LPIN1: variants seen among roughly 807,000 people sequenced by gnomAD.
LPIN1 encodes lipin 1, also known as phosphatidate phosphatase LPIN1.
Under a neutral mutation model 107.5 loss-of-function variants are expected in LPIN1, and 71 were observed. That is an observed-to-expected ratio of 0.66 (90% CI 0.55 to 0.80). The LOEUF is 0.80. Ranked by LOEUF, LPIN1 falls within the 30% of genes least tolerant of loss-of-function variation. LPIN1 has a pLI of 0.00. For synonymous variants in LPIN1, 445 were observed against 452.6 expected (o/e 0.98, Z 0.21); for missense variants, 1,043 against 1,160.6 (o/e 0.90, Z 1.47).
chr2:11,781,640 C>T (rs1401897950), intron 7 of LPIN1, among the ~76,000 whole-genome samples: 1 of 152,200 alleles, frequency 6.6e-6, no homozygotes, highest in Non-Finnish European at 1.5e-5. Flanking sequence ...TTGAAATATA[C>T]ATACAGAGAA....
chr2:11,762,567 A>G (rs1467032981), intron 1 of LPIN1, among the ~76,000 whole-genome samples: 1 of 152,114 alleles, frequency 6.6e-6, no homozygotes, highest in Admixed American at 6.5e-5. Context: ...AAGAGGGCTT[A>G]TCATGAATGA....
chr2:11,773,646 TC>T lies in LPIN1; in HGVS notation c.625del (p.Gln209LysfsTer13). On this transcript the variant is annotated frameshift_variant, in exon 5 of 21. Coordinates refer to ENST00000674199, the MANE Select transcript of LPIN1 (RefSeq NM_001349206.2). LOFTEE classifies it high-confidence loss of function. ...ACTCTTCCTAATGATATACCTCCAT[TC>T]CAAGATGATATTCCTGAGGAAAACC... ...SRTLPNDIPP[F>X]QDDIPEENLS... 1 of 1,611,566 alleles carries T rather than the reference TC, an allele frequency of 6.2e-7. No homozygotes were observed. Among genetic ancestry groups the T allele is most frequent in the Non-Finnish European group, 8.5e-7 (1 of 1,177,770 alleles).
chr2:11,716,589 T>C (rs1319035581), intron 2 of LPIN1, among the ~76,000 whole-genome samples: 1 of 150,836 alleles, frequency 6.6e-6, no homozygotes, highest in Non-Finnish European at 1.5e-5. Context: ...GGGGAGGGGG[T>C]AGTGGGATCA....
rs1019810796 is a variant in LPIN1, at chr2:11,707,060, A to C, written c.82-6696A>C. ...AACGTTACCTTTGTAGCAATTAGCC[A>C]TACAGCACCTCTTAGAGCCTGTTAC... is the stretch of plus-strand genomic sequence containing the variant. On this transcript the variant is annotated intron_variant, in intron 1 of 21. Transcript: ENST00000449576. The surrounding 1 kb of genome is among the most constrained non-coding windows in gnomAD (Gnocchi z 4.2). Among the ~76,000 whole-genome samples, 1 of 152,258 alleles carries C rather than the reference A, an allele frequency of 6.6e-6. No individual in the cohort carries two copies. The highest frequency in any genetic ancestry group is 1.5e-5 in the Non-Finnish European group (1 of 68,048).
In LPIN1 at chr2:11,803,249, G is replaced by C. The variant is rs191186076; in HGVS notation, c.2013+216G>C. Among the ~76,000 whole-genome samples the C allele has an allele frequency of 6.6e-5, 10 of 152,242 alleles. No individual in the cohort carries two copies. In the East Asian group the frequency reaches 1.7e-3, roughly 26 times the overall value. On this transcript the variant is annotated intron_variant, in intron 15 of 20. Transcript: ENST00000674199. The surrounding 1 kb of genome is among the most constrained non-coding windows in gnomAD (Gnocchi z 4.2). ...ACCTTGCCTTTTGTCTTCTCCTTTT[G>C]CTGGCCTGGCCCTGGAGGATCTAGT...
intron 17 of LPIN1, among the ~76,000 whole-genome samples, chr2:11,809,599 AG>A (rs1398179232): frequency 6.6e-6 from 1 of 152,138 alleles, no homozygotes. Flanking sequence ...TATTTTTAGT[AG>A]AGATGGGGTT....
At chr2:11,784,003 G>T (rs563487427) in intron 9 of LPIN1, 81 bp downstream of exon 9, 381 of 1,606,946 alleles carry the variant, frequency 2.4e-4, no homozygotes, top group Non-Finnish European at 3.1e-4. Flanking sequence ...CCTTATGTTT[G>T]ATTAGAAAGT....
At chr2:11,787,531 G>A (rs1009292425) in intron 11 of LPIN1, among the ~76,000 whole-genome samples, 1 of 151,438 alleles carries the variant, frequency 6.6e-6, no homozygotes. Flanking sequence ...CTCGCAAAGT[G>A]CTGGGATTTC....
At chr2:11,739,686 C>G (rs1666140348) in intron 1 of LPIN1, among the ~76,000 whole-genome samples, 1 of 152,128 alleles carries the variant, frequency 6.6e-6, no homozygotes, top group Non-Finnish European at 1.5e-5. Context: ...ATCTAGCCAC[C>G]AACAGTACAA....
chr2:11,797,054 C>A (rs1389958888), intron 14 of LPIN1, among the ~76,000 whole-genome samples: 1 of 152,192 alleles, frequency 6.6e-6, no homozygotes, highest in Non-Finnish European at 1.5e-5. Flanking sequence ...GAGGCACACA[C>A]AACAAAGATG....
intron 1 of LPIN1, among the ~76,000 whole-genome samples, chr2:11,693,203 A>ATTT (rs34503437): frequency 0.058 from 7,892 of 135,136 alleles, 863 homozygotes; most frequent in African/African-American, 0.21. Context: ...CCTGAACAAC[A>ATTT]TTTTTTTTTT....
chr2:11,814,011 T>A (rs763119001), intron 17 of LPIN1, among the ~76,000 whole-genome samples: 2 of 152,134 alleles, frequency 1.3e-5, no homozygotes, highest in Non-Finnish European at 2.9e-5. Context: ...ATATGGCATT[T>A]GGAGCTGTGG....
intron 1 of LPIN1, among the ~76,000 whole-genome samples, chr2:11,747,167 T>C (rs1667086219): frequency 6.6e-6 from 1 of 152,206 alleles, no homozygotes; most frequent in Non-Finnish European, 1.5e-5. Flanking sequence ...GAGGTTGACC[T>C]CTGTGCCCAA....
At chr2:11,687,210 C>A (rs1024276115) in intron 1 of LPIN1, among the ~76,000 whole-genome samples, 2 of 152,012 alleles carry the variant, frequency 1.3e-5, no homozygotes, top group Admixed American at 6.5e-5. Context: ...GTTGTCCAGG[C>A]TGGTCTTGAA....
chr2:11,749,278 A>T (rs943297415), intron 1 of LPIN1, among the ~76,000 whole-genome samples: 1 of 152,058 alleles, frequency 6.6e-6, no homozygotes, highest in African/African-American at 2.4e-5. Context: ...GGAGAGAGAG[A>T]GGGGCCCATG....
chr2:11,718,725 A>T (rs1663916524), intron 2 of LPIN1, among the ~76,000 whole-genome samples: 1 of 152,098 alleles, frequency 6.6e-6, no homozygotes, highest in African/African-American at 2.4e-5. Flanking sequence ...TCCTACTGGA[A>T]GCTTTTAGGA....
chr2:11,802,892 C>G lies in LPIN1; in HGVS notation c.1887-15C>G. On this transcript the variant is annotated splice_polypyrimidine_tract_variant and intron_variant, in intron 14 of 20. Coordinates refer to ENST00000674199, the MANE Select transcript of LPIN1 (RefSeq NM_001349206.2). ...TGCATTTTCTAATTGGTGATGACATCACTGTGTGTTCCAGGGTAAAGCATG... is the reference window on the plus strand; with the variant it reads ...TGCATTTTCTAATTGGTGATGACATGACTGTGTGTTCCAGGGTAAAGCATG... 1.2e-6 allele frequency: 2 copies of G among 1,612,292 alleles called. No individual in the cohort carries two copies. The highest frequency in any genetic ancestry group is 2.2e-5 in the East Asian group (1 of 44,884).
In LPIN1 at chr2:11,679,969, C is replaced by T. The variant is rs539378998; in HGVS notation, c.81+2241C>T. 3.3e-5 allele frequency among the ~76,000 whole-genome samples: 5 copies of T among 152,330 alleles called. No homozygotes were observed. In the East Asian group the frequency reaches 5.8e-4, roughly 18 times the overall value. On this transcript the variant is annotated intron_variant, in intron 1 of 21. Coordinates refer to the LPIN1 transcript ENST00000449576. ...GGCTGCAGAGCCGTGAAACTGGGAGCGTCACTGGGAGTTGCTGCTGGGGAC... is the reference window on the plus strand; with the variant it reads ...GGCTGCAGAGCCGTGAAACTGGGAGTGTCACTGGGAGTTGCTGCTGGGGAC...
rs898774877 is a variant in LPIN1 at position 11,774,534 on chromosome 2, T to C, written c.722+789T>C. Among the ~76,000 whole-genome samples, 1 of 152,174 alleles carries C rather than the reference T, an allele frequency of 6.6e-6. No individual in the cohort carries two copies. The highest frequency in any genetic ancestry group is 1.5e-5 in the Non-Finnish European group (1 of 68,032). ...CTCAGAATGCTCAGGGGCATGTTGA[T>C]AATGAAAAAGAGACTGAGAAACGCT... is the stretch of plus-strand genomic sequence containing the variant. On this transcript the variant is annotated intron_variant, in intron 5 of 20. Coordinates refer to ENST00000674199, the MANE Select transcript of LPIN1 (RefSeq NM_001349206.2). This position sits in a 1 kb window ranked among gnomAD's most constrained non-coding sequence, Gnocchi z 4.4.
Sources: allele counts gnomAD v4.1 joint callset (sites outside exome capture counted in the v4.1 genomes callset), GRCh38; gene constraint gnomAD v4.1.1; non-coding constraint Gnocchi (gnomAD v3.1); transcripts MANE v1.5; gene names NCBI Gene and HGNC (gene_info 2026-07-23, HGNC 2026-07-21).